SGCZ: variants seen among roughly 807,000 people sequenced by gnomAD.
SGCZ encodes zeta-sarcoglycan.
A neutral mutation model predicts 41.3 loss-of-function variants in SGCZ; 40 were observed. The observed-to-expected ratio is 0.97, with a 90% CI of 0.75 to 1.26. The LOEUF is 1.26. Ranked by LOEUF, SGCZ falls within the 50% of genes most tolerant of loss-of-function variation. The probability of loss-of-function intolerance (pLI) is 0.00; values close to 1 mark genes in which losing one functional copy is unlikely to be tolerated. For missense variants in SGCZ, 552 were observed against 369.8 expected, an observed-to-expected ratio of 1.49 and a Z score of -4.04; for synonymous variants, 206 against 137.5, an observed-to-expected ratio of 1.50 and a Z score of -3.49.
intron 1 of SGCZ, among the ~76,000 whole-genome samples, chr8:15,107,325 C>A (rs979613427): frequency 2.0e-5 from 3 of 152,102 alleles, no homozygotes; most frequent in African/African-American, 7.2e-5. Context: ...ATATAATCCC[C>A]AATGTGATAA....
At chr8:14,974,097 T>G (rs1168673394) in intron 1 of SGCZ, among the ~76,000 whole-genome samples, 1 of 152,198 alleles carries the variant, frequency 6.6e-6, no homozygotes, top group East Asian at 1.9e-4. Context: ...TCTTTTTACT[T>G]GTTGACACTG....
chr8:14,173,496 G>A (rs990969641), intron 4 of SGCZ, among the ~76,000 whole-genome samples: 16 of 151,958 alleles, frequency 1.1e-4, no homozygotes, highest in African/African-American at 2.2e-4. Context: ...GACTAAATTC[G>A]CGTATTATAA....
At chr8:15,188,588 A>C (rs900512071) in intron 1 of SGCZ, among the ~76,000 whole-genome samples, 7 of 152,140 alleles carry the variant, frequency 4.6e-5, no homozygotes. Flanking sequence ...AAATACTAAA[A>C]ACATTTACCA....
intron 2 of SGCZ, among the ~76,000 whole-genome samples, chr8:14,401,669 T>C (rs1042274012): frequency 2.0e-5 from 3 of 151,830 alleles, no homozygotes; most frequent in African/African-American, 4.9e-5. Flanking sequence ...TGCCACATTT[T>C]CTTGATCCAG....
chr8:14,948,003 T>C (rs867090749), intron 1 of SGCZ, among the ~76,000 whole-genome samples: 1 of 152,182 alleles, frequency 6.6e-6, no homozygotes, highest in African/African-American at 2.4e-5. Context: ...TTTTGCATTG[T>C]TTGAAGAAGG....
At position 14,751,950 on chromosome 8, in the gene SGCZ, C is replaced by CAA. The variant is rs34445154; in HGVS notation, c.40-197026_40-197025dup. Among the ~76,000 whole-genome samples the CAA allele has an allele frequency of 5.2e-4, 66 of 126,256 alleles. No individual in the cohort carries two copies. The South Asian group carries it at 7.8e-3, about 15-fold the overall frequency. The allele number at this position is 126,256 out of a possible 152,430, so 82.8% of individuals were successfully genotyped here. A position where few individuals can be genotyped will look rare whatever the true frequency, so the allele number is the denominator to read the frequency against. On this transcript the variant is annotated intron_variant, in intron 1 of 7. Transcript: ENST00000382080. ...CCGACTCAAGAAAAACAAAAACAAA[C>CAA]AAAAAAAAAAAACACCTTAGAGGAT...
At chr8:14,200,738 A>T (rs752833050) in intron 4 of SGCZ, among the ~76,000 whole-genome samples, 3 of 152,168 alleles carry the variant, frequency 2.0e-5, no homozygotes, top group African/African-American at 4.8e-5. Context: ...ACCTTGAGTG[A>T]GTCAATGATC....
At chr8:14,587,058 T>A (rs1032072240) in intron 1 of SGCZ, among the ~76,000 whole-genome samples, 1 of 152,012 alleles carries the variant, frequency 6.6e-6, no homozygotes, top group Non-Finnish European at 1.5e-5. Context: ...TTGGATTTTA[T>A]TATTCATTTA....
At chr8:14,387,910 A>G (rs1396088537) in intron 2 of SGCZ, among the ~76,000 whole-genome samples, 1 of 152,104 alleles carries the variant, frequency 6.6e-6, no homozygotes, top group Non-Finnish European at 1.5e-5. Flanking sequence ...TAATGAGGAT[A>G]GAAGAGAGAG....
chr8:15,200,215 C>G (rs1041443364), intron 1 of SGCZ, among the ~76,000 whole-genome samples: 11 of 152,208 alleles, frequency 7.2e-5, no homozygotes, highest in African/African-American at 2.4e-5. Context: ...TGATTTACAT[C>G]TGTAGCTTTG....
intron 2 of SGCZ, among the ~76,000 whole-genome samples, chr8:14,516,382 G>A (rs1190261564): frequency 6.6e-6 from 1 of 151,794 alleles, no homozygotes; most frequent in African/African-American, 2.4e-5. Flanking sequence ...TCACTTACAA[G>A]GGGGATACCT....
At chr8:15,086,663 T>C (rs1330972554) in intron 1 of SGCZ, among the ~76,000 whole-genome samples, 1 of 28,060 alleles carries the variant, frequency 3.6e-5, no homozygotes, top group Non-Finnish European at 8.1e-5. Flanking sequence ...ATTCTGTAAT[T>C]GAAAAAATAA....
rs1182679983 is a variant in SGCZ, at chr8:14,784,902, C to CAAAAAAAAA, written c.40-229985_40-229977dup. ...GGGTAACAAGAGTGAAACTCTGCCT[C>CAAAAAAAAA]AAAAAAAAAAAATATATATATATAT... On this transcript the variant is annotated intron_variant, in intron 1 of 7. Coordinates refer to ENST00000382080, the MANE Select transcript of SGCZ (RefSeq NM_139167.4). Among the ~76,000 whole-genome samples, 65 of 39,560 alleles carry CAAAAAAAAA rather than the reference C, an allele frequency of 1.6e-3. 2 individuals are homozygous for CAAAAAAAAA. The highest frequency in any genetic ancestry group is 6.3e-3 in the African/African-American group (49 of 7,724). 26.0% of individuals were successfully genotyped at this position (39,560 alleles called of 152,430 possible). A position where few individuals can be genotyped will look rare whatever the true frequency, so the allele number is the denominator to read the frequency against.
chr8:14,266,800 T>A (rs1428075759), intron 3 of SGCZ, among the ~76,000 whole-genome samples: 1 of 152,076 alleles, frequency 6.6e-6, no homozygotes. Flanking sequence ...AAGTAAATTA[T>A]GATGAAACTT....
intron 1 of SGCZ, among the ~76,000 whole-genome samples, chr8:14,567,005 A>G (rs6996623): frequency 0.98 from 149,478 of 152,260 alleles, 73,430 homozygotes; most frequent in East Asian, 1. Context: ...CGGAGGGTGC[A>G]CCAGGTCCCC....
At chr8:14,698,293 A>G (rs1443485543) in intron 1 of SGCZ, among the ~76,000 whole-genome samples, 1 of 151,924 alleles carries the variant, frequency 6.6e-6, no homozygotes, top group African/African-American at 2.4e-5. Flanking sequence ...TACTGATCCC[A>G]TTAGCTGGCC....
intron 1 of SGCZ, among the ~76,000 whole-genome samples, chr8:15,030,981 AC>A (rs1167426092): frequency 1.3e-5 from 2 of 152,132 alleles, no homozygotes; most frequent in East Asian, 3.9e-4. Context: ...ATATATGTAG[AC>A]AAGTTTCCTG....
intron 1 of SGCZ, among the ~76,000 whole-genome samples, chr8:15,185,713 G>C (rs1352131010): frequency 6.6e-6 from 1 of 151,908 alleles, no homozygotes; most frequent in African/African-American, 2.4e-5. Context: ...ACTACATGAA[G>C]GCATAATTAC....
chr8:14,826,567 C>T (rs929958427), intron 1 of SGCZ, among the ~76,000 whole-genome samples: 3 of 152,120 alleles, frequency 2.0e-5, no homozygotes, highest in Non-Finnish European at 4.4e-5. Flanking sequence ...AGAAGTGTTC[C>T]TATTTCTCCA....
Sources: gnomAD v4.1 joint callset for allele counts (sites outside exome capture counted in the v4.1 genomes callset) on GRCh38, gnomAD v4.1.1 for gene constraint, MANE v1.5 for transcripts, NCBI Gene and HGNC (gene_info 2026-07-23, HGNC 2026-07-21) for gene names.